Variants in ARL9 observed in about 807,000 individuals in gnomAD.
ARL9 encodes ARF like GTPase 9.
ARL9 carries 14 observed loss-of-function variants against 27.0 expected under a neutral mutation model. That is an observed-to-expected ratio of 0.52 (90% CI 0.34 to 0.81). The LOEUF is 0.81. Among genes scored for constraint, ARL9 ranks in the 30% least tolerant of loss-of-function variants. The probability of loss-of-function intolerance (pLI) is 0.01; values close to 1 mark genes in which losing one functional copy is unlikely to be tolerated. For synonymous variants in ARL9, 106 were observed against 108.7 expected, an observed-to-expected ratio of 0.98 and a Z score of 0.15; for missense variants, 294 against 290.0, an observed-to-expected ratio of 1.01 and a Z score of -0.10.
chr4:56,519,025 TCC>T, intron 3 of ARL9, among the ~76,000 whole-genome samples, 172 bp downstream of exon 3: 1 of 152,328 alleles, frequency 6.6e-6, no homozygotes, highest in Middle Eastern at 3.4e-3. Context: ...CATTTTTGTG[TCC>T]CTTGTAATAC....
chr4:56,515,480 C>T (rs1721744084), intron 2 of ARL9, among the ~76,000 whole-genome samples: 1 of 152,038 alleles, frequency 6.6e-6, no homozygotes, highest in Non-Finnish European at 1.5e-5. Flanking sequence ...GTTAGAAGTA[C>T]TTTCATTCAA....
rs59024435 is a variant in ARL9, at chr4:56,505,980, C to CAAG, written c.120_121insGAA (p.Gln40_Lys41insGlu). 101,685 of 1,143,896 alleles carry CAAG rather than the reference C, an allele frequency of 0.089. 5,241 individuals are homozygous for CAAG. Among genetic ancestry groups the CAAG allele is most frequent in the East Asian group, 0.31 (6,971 of 22,318 alleles). The allele number at this position is 1,143,896 out of a possible 1,614,324, so 70.9% of individuals were successfully genotyped here. ...AAAGGAGGTGGAGCAGAAAATTAAA[C>CAAG]AAAAGCAAGAGAAGCAGGAGAGGAG... On this transcript the variant is annotated inframe_insertion, in exon 1 of 4. Transcript: ENST00000640821.
chr4:56,518,399 A>C (rs1286901668), intron 2 of ARL9, among the ~76,000 whole-genome samples: 2 of 152,160 alleles, frequency 1.3e-5, no homozygotes, highest in Middle Eastern at 3.2e-3. Context: ...TGCTGTGGAC[A>C]ATGGGATCAG....
intron 1 of ARL9, among the ~76,000 whole-genome samples, chr4:56,507,582 T>A (rs1236078364): frequency 1.3e-5 from 2 of 150,864 alleles, no homozygotes; most frequent in African/African-American, 4.9e-5. Context: ...CCCAAAGTGC[T>A]GGGATTACAG....
chr4:56,523,925 T>C lies in ARL9; in HGVS notation c.*49T>C. The stretch of plus-strand genomic sequence containing the variant: ...CTCACGACTGAGATGTCATCAGTGT[T>C]GAATGGCAGGCTTGAAGCCAAAGGT... On this transcript the variant is annotated 3_prime_UTR_variant, in exon 4 of 4. Transcript: ENST00000640821. The C allele has an allele frequency of 1.3e-6, 2 of 1,526,116 alleles. No individual in the cohort carries two copies. Among genetic ancestry groups the C allele is most frequent in the Non-Finnish European group, 1.8e-6 (2 of 1,133,592 alleles). 94.5% of individuals were successfully genotyped at this position (1,526,116 alleles called of 1,614,324 possible).
chr4:56,523,953 C>A lies in ARL9; in HGVS notation c.*77C>A. The stretch of plus-strand genomic sequence containing the variant: ...ATGGCAGGCTTGAAGCCAAAGGTTT[C>A]CACCTCAAATAAAAATTAAGCCATT... On this transcript the variant is annotated 3_prime_UTR_variant, in exon 4 of 4. Coordinates refer to ENST00000640821, the MANE Select transcript of ARL9 (RefSeq NM_001363794.2). 7.3e-7 allele frequency: 1 copy of A among 1,377,220 alleles called. No homozygotes were observed. The highest frequency in any genetic ancestry group is 1.5e-5 in the South Asian group (1 of 68,876). The allele number at this position is 1,377,220 out of a possible 1,614,324, so 85.3% of individuals were successfully genotyped here.
intron 3 of ARL9, among the ~76,000 whole-genome samples, chr4:56,522,730 G>A (rs1384489278): frequency 1.3e-5 from 2 of 152,264 alleles, no homozygotes; most frequent in Middle Eastern, 3.4e-3. Flanking sequence ...GCCCTGGCAT[G>A]CGGCCTAAGC....
At chr4:56,512,882 G>A (rs964048759) in intron 2 of ARL9, among the ~76,000 whole-genome samples, 1 of 151,946 alleles carries the variant, frequency 6.6e-6, no homozygotes, top group African/African-American at 2.4e-5. Context: ...AATGCTGTTT[G>A]CTTTCTCCAT....
At chr4:56,521,956 C>T (rs529861444) in intron 3 of ARL9, among the ~76,000 whole-genome samples, 1 of 150,914 alleles carries the variant, frequency 6.6e-6, no homozygotes, top group East Asian at 1.9e-4. Context: ...ATTTTCTTCC[C>T]TTCCCTCCCC....
upstream of ARL9, chr4:56,505,640 T>G: frequency 1.4e-6 from 1 of 707,730 alleles, no homozygotes; most frequent in Non-Finnish European, 2.3e-6. Flanking sequence ...CTTCCCTCTT[T>G]GCGAACCCCT....
At chr4:56,505,609 A>G (rs75336695), upstream of ARL9, 718 of 611,374 alleles carry the variant, frequency 1.2e-3, 11 homozygotes, top group East Asian at 0.019. Flanking sequence ...GCTGGGCTCA[A>G]TCCATCCGTA....
upstream of ARL9, chr4:56,505,728 A>G: frequency 1.4e-6 from 2 of 1,383,998 alleles, no homozygotes. Context: ...CGGGGTTGGC[A>G]GCGCCCGCGG....
chr4:56,513,740 AG>A (rs893164547), intron 2 of ARL9, among the ~76,000 whole-genome samples: 1 of 152,222 alleles, frequency 6.6e-6, no homozygotes, highest in African/African-American at 2.4e-5. Context: ...GAGACAAAAT[AG>A]GAAAGAACTA....
chr4:56,516,152 G>C (rs1012092980), intron 2 of ARL9, among the ~76,000 whole-genome samples: 5 of 152,128 alleles, frequency 3.3e-5, no homozygotes, highest in Non-Finnish European at 7.3e-5. Context: ...TCAATAAATG[G>C]TGCAGGGACC....
intron 2 of ARL9, among the ~76,000 whole-genome samples, chr4:56,513,456 T>C (rs960467687): frequency 4.6e-5 from 7 of 152,198 alleles, no homozygotes; most frequent in Non-Finnish European, 8.8e-5. Flanking sequence ...AATGGAGAGA[T>C]TTCAGCTGCT....
intron 1 of ARL9, among the ~76,000 whole-genome samples, chr4:56,507,220 C>T (rs1721491331): frequency 1.3e-5 from 2 of 152,116 alleles, no homozygotes; most frequent in Admixed American, 1.3e-4. Flanking sequence ...ATTCAGCTTT[C>T]CTTAGGAGAA....
In ARL9 at chr4:56,506,077, A is replaced by G. The variant is rs6824893; in HGVS notation, c.215A>G (p.Lys72Arg). 245,288 of 1,234,624 alleles carry G rather than the reference A, an allele frequency of 0.2. 25,400 individuals are homozygous for G. The highest frequency in any genetic ancestry group is 0.37 in the Admixed American group (8,854 of 24,110). The allele number at this position is 1,234,624 out of a possible 1,614,324, so 76.5% of individuals were successfully genotyped here. The stretch of plus-strand genomic sequence containing the variant: ...ACAAACAAAGAGAAGGAACAATTTA[A>G]GGGACAAGAAGAGAAAGGGGAGAAC... ...KETNKEKEQF[K>R]GQEEKGENKD... The change falls in exon 1 of 4, where the codon AAG (lysine) becomes AGG (arginine). Residue 72 changes from lysine to arginine, a missense_variant. Coordinates refer to ENST00000640821, the MANE Select transcript of ARL9 (RefSeq NM_001363794.2).
chr4:56,514,449 T>C (rs938678716), intron 2 of ARL9, among the ~76,000 whole-genome samples: 1 of 152,146 alleles, frequency 6.6e-6, no homozygotes, highest in Non-Finnish European at 1.5e-5. Context: ...TCTGGTGAAA[T>C]TCATTAAGGA....
intron 1 of ARL9, among the ~76,000 whole-genome samples, chr4:56,509,360 C>T (rs577306185): frequency 9.4e-5 from 14 of 149,522 alleles, no homozygotes; most frequent in Non-Finnish European, 1.5e-5. Flanking sequence ...CCACCATGCC[C>T]GGCTGATTTT....
Sources: gnomAD v4.1 joint callset for allele counts (sites outside exome capture counted in the v4.1 genomes callset) on GRCh38, gnomAD v4.1.1 for gene constraint, MANE v1.5 for transcripts, NCBI Gene and HGNC (gene_info 2026-07-23, HGNC 2026-07-21) for gene names.